PIGQ: variants seen among roughly 807,000 people sequenced by gnomAD.
PIGQ encodes the protein phosphatidylinositol glycan anchor biosynthesis class Q.
A neutral mutation model predicts 60.3 loss-of-function variants in PIGQ; 54 were observed. The observed-to-expected ratio is 0.90, with a 90% CI of 0.72 to 1.12. The LOEUF is 1.12. Among genes scored for constraint, PIGQ ranks in the 50% most tolerant of loss-of-function variants. PIGQ has a pLI of 0.00. For synonymous variants in PIGQ, 416 were observed against 363.7 expected (o/e 1.14, Z -1.64); for missense variants, 799 against 793.5 (o/e 1.01, Z -0.08).
chr16:580,736 C>A, intron 8 of PIGQ, 122 bp from the exon 9 acceptor site: 1 of 698,338 alleles, frequency 1.4e-6, no homozygotes, highest in East Asian at 2.5e-5. Context: ...AGGGTGGGGT[C>A]CCTGCTCTCC....
chr16:576,171 GC>G lies in PIGQ; in HGVS notation c.862del (p.Leu288TrpfsTer40). ...NTVASVLLDV[A>X]LGLMLLSWLH... ...GGTGGCCTCTGTGCTGCTGGACGTG[GC>G]CCTGGGCCTCATGCTGCTGTCCTGG... On this transcript the variant is annotated frameshift_variant, in exon 4 of 11. Transcript: ENST00000321878. LOFTEE classifies it high-confidence loss of function. The G allele has an allele frequency of 6.5e-7, 1 of 1,549,482 alleles. No individual in the cohort carries two copies. The highest frequency in any genetic ancestry group is 8.7e-7 in the Non-Finnish European group (1 of 1,146,954).
chr16:582,788 C>T, intron 10 of PIGQ, 95 bp from the exon 11 acceptor site: 1 of 1,316,440 alleles, frequency 7.6e-7, no homozygotes. Flanking sequence ...TGAGACAGCA[C>T]TGGCCCTGCC....
In PIGQ at chr16:583,553, C is replaced by T. The variant is rs200438307; in HGVS notation, c.*518C>T. Reference sequence around the variant, plus strand: ...GGGGATTGAAGCAGTCGCTGACCCCCGTCCCCAGCGGGCCCGGGCCCTCAC... The same window carrying T: ...GGGGATTGAAGCAGTCGCTGACCCCTGTCCCCAGCGGGCCCGGGCCCTCAC... On this transcript the variant is annotated 3_prime_UTR_variant, in exon 11 of 11. Coordinates refer to ENST00000321878, the MANE Select transcript of PIGQ (RefSeq NM_004204.5). The T allele has an allele frequency of 1.4e-4, 221 of 1,612,398 alleles. No homozygotes were observed. The highest frequency in any genetic ancestry group is 1.7e-4 in the Non-Finnish European group (203 of 1,179,706).
At chr16:571,571 CGTGT>C (rs4006743) in intron 1 of PIGQ, among the ~76,000 whole-genome samples, 1,505 of 87,312 alleles carry the variant, frequency 0.017, 31 homozygotes, top group Admixed American at 0.033. Flanking sequence ...GCCTGGTGCC[CGTGT>C]GTGTGTGTGT....
intron 10 of PIGQ, 182 bp from the exon 11 acceptor site, chr16:582,701 A>C: frequency 1.4e-6 from 1 of 706,030 alleles, no homozygotes. Flanking sequence ...GCCTCCCCCC[A>C]GCGCTCCCTT....
Position 574,761 on chromosome 16 carries a change from C to T in PIGQ, c.687C>T (p.Cys229=), listed in dbSNP as rs2035692790. 3 of 1,561,402 alleles carry T rather than the reference C, an allele frequency of 1.9e-6. No individual in the cohort carries two copies. Among genetic ancestry groups the T allele is most frequent in the Non-Finnish European group, 2.6e-6 (3 of 1,158,358 alleles). ...LLSLVSAVSA[C]RVFKLWPLSF... ...CGCTGGTCTCAGCTGTCAGTGCCTG[C>T]CGGTAGGTGTCCCGGGACAGGCAGG... is the stretch of plus-strand genomic sequence containing the variant. Residue 229 remains cysteine, a splice_region_variant and synonymous_variant, in exon 2 of 11, where the codon TGC becomes TGT. Transcript: ENST00000321878.
chr16:578,480 C>T lies in PIGQ; in HGVS notation c.1044C>T (p.Phe348=). Residue 348 remains phenylalanine, a synonymous_variant, in exon 5 of 11, where the codon TTC becomes TTT. Coordinates refer to ENST00000321878, the MANE Select transcript of PIGQ (RefSeq NM_004204.5). ...RALDQVLGRF[F]LYHIHLWISY... ...TGGACCAGGTGCTGGGCCGCTTCTT[C>T]CTCTACCACATCCACCTGTGGATCA... The T allele has an allele frequency of 6.2e-7, 1 of 1,612,550 alleles. No homozygotes were observed. The highest frequency in any genetic ancestry group is 8.5e-7 in the Non-Finnish European group (1 of 1,179,820).
Position 583,776 on chromosome 16 carries a change from C to G in PIGQ, c.*741C>G, listed in dbSNP as rs184989845. 460 of 930,608 alleles carry G rather than the reference C, an allele frequency of 4.9e-4. 3 individuals carry two copies. The East Asian group carries it at 8.2e-3, about 17-fold the overall frequency. The allele number at this position is 930,608 out of a possible 1,614,324, so 57.6% of individuals were successfully genotyped here. ...CAGCAGGTCCTGCGGCCAAATCTGT[C>G]TCCCTTCATGGGCCTCCCAGGGAAG... On this transcript the variant is annotated 3_prime_UTR_variant, in exon 11 of 11. Transcript: ENST00000321878.
intron 4 of PIGQ, chr16:577,021 G>C (rs1242083051): frequency 6.6e-6 from 1 of 152,496 alleles, no homozygotes; most frequent in Non-Finnish European, 1.5e-5. Context: ...GCCAGGCCAG[G>C]CCTCTGGGGG....
rs528211769 is a variant in PIGQ, at chr16:583,213, T to C, written c.*178T>C. The C allele has an allele frequency of 1.4e-5, 23 of 1,613,150 alleles. 1 individual carries two copies. The East Asian group carries it at 2.0e-4, about 14-fold the overall frequency. ...TTGGAGGTCATTGGGAGTGAGCAGA[T>C]GTGGGGGTGGCCAGCCAGGCTGGCC... On this transcript the variant is annotated 3_prime_UTR_variant, in exon 11 of 11. Transcript: ENST00000321878.
rs750067878 is a variant in PIGQ at position 583,548 on chromosome 16, AC to A, written c.*518del. 8 of 1,611,468 alleles carry A rather than the reference AC, an allele frequency of 5.0e-6. No individual in the cohort carries two copies. The Admixed American group carries it at 6.7e-5, about 13-fold the overall frequency. ...ATCTGGGGGATTGAAGCAGTCGCTG[AC>A]CCCCGTCCCCAGCGGGCCCGGGCCC... is the stretch of plus-strand genomic sequence containing the variant. On this transcript the variant is annotated 3_prime_UTR_variant, in exon 11 of 11. Coordinates refer to ENST00000321878, the MANE Select transcript of PIGQ (RefSeq NM_004204.5).
chr16:576,118 C>A lies in PIGQ; in HGVS notation c.822-16C>A. On this transcript the variant is annotated splice_polypyrimidine_tract_variant and intron_variant, in intron 3 of 10. Coordinates refer to ENST00000321878, the MANE Select transcript of PIGQ (RefSeq NM_004204.5). Reference sequence around the variant, plus strand: ...CTGGCCACCCTCATGCCGGCCGGGCCGGACCTCCCTTCCAGGAAGGCCAAC... The same window carrying A: ...CTGGCCACCCTCATGCCGGCCGGGCAGGACCTCCCTTCCAGGAAGGCCAAC... 6.5e-7 allele frequency: 1 copy of A among 1,546,724 alleles called. No individual in the cohort carries two copies. Among genetic ancestry groups the A allele is most frequent in the South Asian group, 1.2e-5 (1 of 84,026 alleles).
intron 2 of PIGQ, among the ~76,000 whole-genome samples, 176 bp from the exon 3 acceptor site, chr16:575,663 G>T (rs2035704060): frequency 6.6e-6 from 1 of 152,190 alleles, no homozygotes; most frequent in Non-Finnish European, 1.5e-5. Flanking sequence ...GCACTGTGAG[G>T]TGGGCGCGTT....
At chr16:577,389 AAC>A (rs1187639930) in intron 4 of PIGQ, among the ~76,000 whole-genome samples, 2 of 151,584 alleles carry the variant, frequency 1.3e-5, no homozygotes, top group Non-Finnish European at 2.9e-5. Context: ...CATCCTGGCT[AAC>A]ACAGTGAAAT....
Position 579,298 on chromosome 16 carries a change from G to A in PIGQ, c.1335+118G>A, listed in dbSNP as rs368106381. On this transcript the variant is annotated intron_variant, in intron 7 of 10. Transcript: ENST00000321878. ...CTGCTCCCGTCCTGCAGCTGAGGCC[G>A]CGCACAGGCCCTGGGAATAGATAAG... 1.0e-3 allele frequency: 738 copies of A among 737,418 alleles called. 12 individuals are homozygous for A. Among genetic ancestry groups the A allele is most frequent in the South Asian group, 9.5e-3 (591 of 61,900 alleles). The allele number at this position is 737,418 out of a possible 1,614,324, so 45.7% of individuals were successfully genotyped here. A position where few individuals can be genotyped will look rare whatever the true frequency, so the allele number is the denominator to read the frequency against.
intron 1 of PIGQ, chr16:570,362 T>A (rs2035600592): frequency 6.6e-6 from 1 of 152,274 alleles, no homozygotes; most frequent in African/African-American, 2.4e-5. Context: ...TCTTCCCAAA[T>A]GAGAGGGGAA....
chr16:583,505 A>C lies in PIGQ; in HGVS notation c.*470A>C, dbSNP rs746741554. On this transcript the variant is annotated 3_prime_UTR_variant, in exon 11 of 11. Coordinates refer to ENST00000321878, the MANE Select transcript of PIGQ (RefSeq NM_004204.5). Reference sequence around the variant, plus strand: ...GTCCCAGGCACCCTCTAGCTCCCTCAGCCGAACAGCACCCTGCATCTGGGG... The same window carrying C: ...GTCCCAGGCACCCTCTAGCTCCCTCCGCCGAACAGCACCCTGCATCTGGGG... 6.2e-7 allele frequency: 1 copy of C among 1,612,686 alleles called. No individual in the cohort carries two copies. Among genetic ancestry groups the C allele is most frequent in the Admixed American group, 1.7e-5 (1 of 60,006 alleles).
chr16:578,393 G>C lies in PIGQ; in HGVS notation c.957G>C (p.Glu319Asp). 1.5e-5 allele frequency: 24 copies of C among 1,611,062 alleles called. No individual in the cohort carries two copies. Among genetic ancestry groups the C allele is most frequent in the Non-Finnish European group, 1.9e-5 (22 of 1,179,744 alleles). Residue 319 changes from glutamate to aspartate, a missense_variant, in exon 5 of 11, where the codon GAG becomes GAC. Physicochemically the swap from Glu to Asp is conservative, Grantham distance 45. Transcript: ENST00000321878. ...LVPVADHVAEELQHLLQWLMG... is the reference protein window; with the variant it reads ...LVPVADHVAEDLQHLLQWLMG... ...TGTCCCTGCAGCACGTGGCCGAGGA[G>C]CTCCAGCATCTGCTGCAGTGGCTGA...
intron 4 of PIGQ, chr16:576,460 C>T (rs762290015): frequency 4.7e-5 from 30 of 636,536 alleles, no homozygotes; most frequent in East Asian, 5.6e-5. Flanking sequence ...GGTACACCCC[C>T]CTTTCCTTCT....
Sources: allele counts gnomAD v4.1 joint callset (sites outside exome capture counted in the v4.1 genomes callset), GRCh38; gene constraint gnomAD v4.1.1; transcripts MANE v1.5; gene names NCBI Gene and HGNC (gene_info 2026-07-23, HGNC 2026-07-21).